NUP155: variants seen among roughly 807,000 people sequenced by gnomAD.
The protein encoded by NUP155 is nuclear pore complex protein Nup155.
NUP155 carries 71 observed loss-of-function variants against 180.4 expected under a neutral mutation model. The observed-to-expected ratio is 0.39, with a 90% CI of 0.33 to 0.48. The LOEUF is 0.48. Ranked by LOEUF, NUP155 falls within the 20% of genes least tolerant of loss-of-function variation. The pLI is 0.91. For synonymous variants in NUP155, 582 were observed against 559.5 expected, an observed-to-expected ratio of 1.04 and a Z score of -0.57; for missense variants, 1,553 against 1,648.9, an observed-to-expected ratio of 0.94 and a Z score of 1.01.
At position 37,364,925 on chromosome 5, in the gene NUP155, C is replaced by T. The variant is rs556302093; in HGVS notation, c.158-541G>A. 7.9e-5 allele frequency among the ~76,000 whole-genome samples: 12 copies of T among 151,872 alleles called. No homozygotes were observed. The South Asian group carries it at 8.3e-4, about 11-fold the overall frequency. ...GGCTAGGATTACAGGTGTGAGCCAC[C>T]GTGCCCAGCTGGAAATGTTTAAATT... On this transcript the variant is annotated intron_variant, in intron 1 of 34. Transcript: ENST00000231498.
chr5:37,346,479 C>T (rs1486600041), intron 9 of NUP155, among the ~76,000 whole-genome samples: 1 of 152,028 alleles, frequency 6.6e-6, no homozygotes, highest in African/African-American at 2.4e-5. Flanking sequence ...CGAGACCAGC[C>T]TGGCCAACAT....
intron 34 of NUP155, among the ~76,000 whole-genome samples, chr5:37,292,597 CAAT>C (rs1425534254): frequency 1.3e-5 from 2 of 151,880 alleles, no homozygotes; most frequent in Non-Finnish European, 2.9e-5. Context: ...CTTAAATGGC[CAAT>C]AATATCACAA....
rs941112595 is a variant in NUP155 at position 37,364,649 on chromosome 5, T to A, written c.158-265A>T. Among the ~76,000 whole-genome samples, 44 of 152,036 alleles carry A rather than the reference T, an allele frequency of 2.9e-4. No individual in the cohort carries two copies. In the East Asian group the frequency reaches 2.9e-3, roughly 10 times the overall value. On this transcript the variant is annotated intron_variant, in intron 1 of 34. Transcript: ENST00000231498. Reference sequence around the variant, plus strand: ...ATGTTTATTTTATTTTATTTTTTTTTTTTTTGAGATAGAGTCTCGCACTGT... The same window carrying A: ...ATGTTTATTTTATTTTATTTTTTTTATTTTTGAGATAGAGTCTCGCACTGT...
chr5:37,369,413 T>C (rs1414123318), intron 1 of NUP155, among the ~76,000 whole-genome samples: 3 of 152,168 alleles, frequency 2.0e-5, no homozygotes, highest in East Asian at 1.9e-4. Flanking sequence ...ACGGAAAATA[T>C]GCTAAATTCT....
At chr5:37,334,483 C>G (rs1203356844) in intron 12 of NUP155, among the ~76,000 whole-genome samples, 1 of 151,688 alleles carries the variant, frequency 6.6e-6, no homozygotes, top group East Asian at 2.0e-4. Context: ...CAGGTTCATG[C>G]AATTCTCCTG....
At chr5:37,311,898 G>A (rs1243733143) in intron 22 of NUP155, among the ~76,000 whole-genome samples, 2 of 152,136 alleles carry the variant, frequency 1.3e-5, no homozygotes, top group South Asian at 2.1e-4. Context: ...GCACATGCCT[G>A]TAGTCCCAGC....
At chr5:37,344,176 C>A (rs1298430920) in intron 9 of NUP155, among the ~76,000 whole-genome samples, 5 of 151,624 alleles carry the variant, frequency 3.3e-5, no homozygotes, top group Non-Finnish European at 7.4e-5. Flanking sequence ...CCCATCTCTA[C>A]TAAAAAATAT....
chr5:37,291,639 T>A lies in NUP155; in HGVS notation c.*261A>T. On this transcript the variant is annotated 3_prime_UTR_variant, in exon 35 of 35. Transcript: ENST00000231498. ...CCTGCAGTACAATTCAAAATAAGAG[T>A]TTCTAAATTTTTTTAATCCTTATGT... 1 of 329,486 alleles carries A rather than the reference T, an allele frequency of 3.0e-6. No individual in the cohort carries two copies. Among genetic ancestry groups the A allele is most frequent in the Non-Finnish European group, 5.6e-6 (1 of 177,914 alleles). 20.4% of individuals were successfully genotyped at this position (329,486 alleles called of 1,614,324 possible). A position where few individuals can be genotyped will look rare whatever the true frequency, so the allele number is the denominator to read the frequency against.
Position 37,333,511 on chromosome 5 carries a change from T to G in NUP155, c.1470A>C (p.Val490=). 6.2e-7 allele frequency: 1 copy of G among 1,614,150 alleles called. No individual in the cohort carries two copies. Among genetic ancestry groups the G allele is most frequent in the Non-Finnish European group, 8.5e-7 (1 of 1,179,966 alleles). Residue 490 remains valine, a synonymous_variant, in exon 13 of 35, where the codon GTA becomes GTC. Transcript: ENST00000231498. ...HIPITDSPVV[V]QQHMLPPKKF... is the part of the protein sequence containing the mutation. ...TCTTCGGAGGTAACATGTGCTGCTG[T>G]ACAACAACTGGTGAATCAGTTATTG...
chr5:37,371,082 C>T lies in NUP155; in HGVS notation c.-105G>A. Reference sequence around the variant, plus strand: ...GATCCGCCGCCTAGGGCGCGCGCGCCAAACGAGCGCCTTGGCGCCTCGACA... The same window carrying T: ...GATCCGCCGCCTAGGGCGCGCGCGCTAAACGAGCGCCTTGGCGCCTCGACA... On this transcript the variant is annotated 5_prime_UTR_variant, in exon 1 of 35. Coordinates refer to ENST00000231498, the MANE Select transcript of NUP155 (RefSeq NM_153485.3). 2 of 1,199,818 alleles carry T rather than the reference C, an allele frequency of 1.7e-6. No homozygotes were observed. Among genetic ancestry groups the T allele is most frequent in the Non-Finnish European group, 2.4e-6 (2 of 838,342 alleles). The allele number at this position is 1,199,818 out of a possible 1,614,324, so 74.3% of individuals were successfully genotyped here.
chr5:37,294,453 T>C lies in NUP155; in HGVS notation c.3806A>G (p.Gln1269Arg). The C allele has an allele frequency of 6.2e-7, 1 of 1,613,758 alleles. No individual in the cohort carries two copies. Residue 1269 changes from glutamine (Q) to arginine (R), a missense_variant, in exon 33 of 35, where the codon CAG (glutamine) becomes CGG (arginine). Gln to Arg is a conservative substitution (Grantham distance 43). Transcript: ENST00000231498. ...AGTACAAACCTGCTGTTCTAAAAAC[T>C]GTACAATAAAATCTGGGAAGAAAAA... ...PRFFPLDFIV[Q>R]FLEQQVCTLN...
At chr5:37,294,597 GTTT>G in intron 32 of NUP155, 132 bp from the exon 33 acceptor site, 2 of 810,860 alleles carry the variant, frequency 2.5e-6, no homozygotes, top group East Asian at 2.9e-5. Flanking sequence ...GGGGCGGGGG[GTTT>G]TTTTTGCTAT....
rs371321968 is a variant in NUP155 at position 37,299,572 on chromosome 5, T to A, written c.3562-4A>T. On this transcript the variant is annotated splice_polypyrimidine_tract_variant and splice_region_variant and intron_variant, in intron 30 of 34. Coordinates refer to ENST00000231498, the MANE Select transcript of NUP155 (RefSeq NM_153485.3). ...GGTCAGCAAATTCCCCATAAAGCTG[T>A]GAGAGAAAATCCCAAAATTAACATC... is the stretch of plus-strand genomic sequence containing the variant. 3.7e-6 allele frequency: 6 copies of A among 1,613,912 alleles called. No individual in the cohort carries two copies. The highest frequency in any genetic ancestry group is 5.1e-6 in the Non-Finnish European group (6 of 1,179,908).
At chr5:37,333,173 G>A (rs986803538) in intron 13 of NUP155, among the ~76,000 whole-genome samples, 1 of 151,004 alleles carries the variant, frequency 6.6e-6, no homozygotes, top group African/African-American at 2.4e-5. Flanking sequence ...TGGCCAACAT[G>A]GTGAAACCCC....
intron 8 of NUP155, among the ~76,000 whole-genome samples, 183 bp from the exon 9 acceptor site, chr5:37,348,779 G>A (rs540227509): frequency 6.0e-5 from 9 of 151,136 alleles, no homozygotes; most frequent in African/African-American, 1.9e-4. Flanking sequence ...TTTTTGAGAC[G>A]AAGTCTTGCT....
intron 15 of NUP155, 68 bp downstream of exon 15, chr5:37,329,970 G>T: frequency 8.9e-7 from 1 of 1,129,696 alleles, no homozygotes; most frequent in South Asian, 1.3e-5. Flanking sequence ...TTATCACATT[G>T]ATAAAATCAT....
At chr5:37,325,768 C>CAA (rs58741619) in intron 19 of NUP155, 133 bp downstream of exon 19, 17,848 of 354,612 alleles carry the variant, frequency 0.05, 371 homozygotes, top group African/African-American at 0.087. Flanking sequence ...GACTCTGTCT[C>CAA]AAAAAAAAAA....
chr5:37,364,344 A>G lies in NUP155; in HGVS notation c.198T>C (p.Pro66=). 1 of 1,611,366 alleles carries G rather than the reference A, an allele frequency of 6.2e-7. No homozygotes were observed. The highest frequency in any genetic ancestry group is 1.1e-5 in the South Asian group (1 of 91,032). ...TVSGMSDMDY[P]LQGPGLLSVP... ...CGGACAGCAAACCAGGTCCTTGCAAAGGATAATCCATATCTGACATGCCAG... is the reference window on the plus strand; with the variant it reads ...CGGACAGCAAACCAGGTCCTTGCAAGGGATAATCCATATCTGACATGCCAG... The change falls in exon 2 of 35, where the codon CCT becomes CCC. Residue 66 remains proline (P), a synonymous_variant. Coordinates refer to ENST00000231498, the MANE Select transcript of NUP155 (RefSeq NM_153485.3).
intron 32 of NUP155, among the ~76,000 whole-genome samples, chr5:37,296,486 C>A (rs1402375019): frequency 1.3e-5 from 2 of 151,410 alleles, no homozygotes; most frequent in Admixed American, 1.3e-4. Flanking sequence ...CAGCATGCGG[C>A]AGCATGCTTG....
Sources: gnomAD v4.1 joint callset for allele counts (sites outside exome capture counted in the v4.1 genomes callset) on GRCh38, gnomAD v4.1.1 for gene constraint, MANE v1.5 for transcripts, NCBI Gene and HGNC (gene_info 2026-07-23, HGNC 2026-07-21) for gene names.